ASPHD2: variants seen among roughly 807,000 people sequenced by gnomAD.
The protein encoded by ASPHD2 is aspartate beta-hydroxylase domain containing 2, also known as aspartate beta-hydroxylase domain-containing protein 2.
ASPHD2 carries 12 observed loss-of-function variants against 34.6 expected under a neutral mutation model. That is an observed-to-expected ratio of 0.35 (90% CI 0.22 to 0.56). The LOEUF (loss-of-function observed/expected upper bound fraction) is 0.56. ASPHD2 is among the 20% of genes least tolerant of loss of function. ASPHD2 has a pLI of 0.87. For synonymous variants in ASPHD2, 224 were observed against 212.2 expected (o/e 1.06, Z -0.48); for missense variants, 375 against 505.0 (o/e 0.74, Z 2.47).
intron 2 of ASPHD2, among the ~76,000 whole-genome samples, chr22:26,440,941 G>A (rs143729919): frequency 2.6e-5 from 4 of 152,232 alleles, no homozygotes; most frequent in African/African-American, 9.6e-5. Context: ...AGAGTGTAGT[G>A]CAAATGTCAG....
At chr22:26,440,681 C>A (rs1033674992) in intron 2 of ASPHD2, among the ~76,000 whole-genome samples, 4 of 152,156 alleles carry the variant, frequency 2.6e-5, no homozygotes, top group Admixed American at 6.5e-5. Flanking sequence ...TCCTCTTGAA[C>A]CTAAGCCATT....
chr22:26,434,227 C>G lies in ASPHD2; in HGVS notation c.612C>G (p.Thr204=), dbSNP rs2084776867. ...AGACCATCCTGTGTGAGTTTGAGAC[C>G]CTCTACAAAGCTTTCTCAAACTGCA... ...NFQTILCEFE[T]LYKAFSNCSL... is the part of the protein sequence containing the mutation. The change falls in exon 2 of 4, where the codon ACC becomes ACG. Residue 204 remains threonine (T), a synonymous_variant. Coordinates refer to ENST00000215906, the MANE Select transcript of ASPHD2 (RefSeq NM_020437.5). 6.2e-7 allele frequency: 1 copy of G among 1,614,088 alleles called. No homozygotes were observed. The highest frequency in any genetic ancestry group is 2.2e-5 in the East Asian group (1 of 44,872).
At chr22:26,436,846 G>A (rs1250114803) in intron 2 of ASPHD2, among the ~76,000 whole-genome samples, 1 of 145,438 alleles carries the variant, frequency 6.9e-6, no homozygotes, top group Non-Finnish European at 1.5e-5. Flanking sequence ...GCATGCATGT[G>A]TGTGTGTGTG....
intron 2 of ASPHD2, among the ~76,000 whole-genome samples, chr22:26,437,681 G>A (rs747588595): frequency 6.6e-6 from 1 of 152,208 alleles, no homozygotes; most frequent in South Asian, 2.1e-4. Context: ...CATGTCATCA[G>A]ATTTCTAGGT....
At position 26,433,551 on chromosome 22, in the gene ASPHD2, T is replaced by C; in HGVS notation, c.-65T>C. 1 of 1,210,962 alleles carries C rather than the reference T, an allele frequency of 8.3e-7. No individual in the cohort carries two copies. The highest frequency in any genetic ancestry group is 1.2e-6 in the Non-Finnish European group (1 of 851,006). 75.0% of individuals were successfully genotyped at this position (1,210,962 alleles called of 1,614,324 possible). ...CATCAATGCCGCCCCTGGCAGTATC[T>C]GAGGATCGGTGGCAGCCATGCCTCC... On this transcript the variant is annotated 5_prime_UTR_variant, in exon 2 of 4. Transcript: ENST00000215906. This position sits in a 1 kb window ranked among gnomAD's most constrained non-coding sequence, Gnocchi z 5.1.
In ASPHD2 at chr22:26,442,054, C is replaced by T. The variant is rs942682601; in HGVS notation, c.887-405C>T. 5.6e-5 allele frequency among the ~76,000 whole-genome samples: 8 copies of T among 142,170 alleles called. 1 individual carries two copies. Among genetic ancestry groups the T allele is most frequent in the African/African-American group, 1.1e-4 (4 of 37,582 alleles). 93.3% of individuals were successfully genotyped at this position (142,170 alleles called of 152,430 possible). On this transcript the variant is annotated intron_variant, in intron 2 of 3. Transcript: ENST00000215906. ...CTGGGAGGTGGAGGTTGCGGTGAGC[C>T]GAGATCACACCACTGCATTCCAGCC...
At chr22:26,441,478 T>TA (rs34554219) in intron 2 of ASPHD2, among the ~76,000 whole-genome samples, 49,412 of 94,974 alleles carry the variant, frequency 0.52, 13,069 homozygotes, top group Middle Eastern at 0.54. Context: ...ACCTTGTATC[T>TA]AAAAAAAAAA....
chr22:26,442,806 GATA>G (rs2084861047), intron 3 of ASPHD2, among the ~76,000 whole-genome samples: 1 of 152,124 alleles, frequency 6.6e-6, no homozygotes, highest in Admixed American at 6.5e-5. Flanking sequence ...TCGCCAAATG[GATA>G]ATGACACGGA....
intron 2 of ASPHD2, among the ~76,000 whole-genome samples, chr22:26,435,057 G>A (rs917565803): frequency 2.1e-4 from 32 of 152,186 alleles, no homozygotes; most frequent in African/African-American, 7.5e-4. Context: ...AAAATTGGTC[G>A]TATGCGTACT....
At chr22:26,436,252 G>A (rs57917026) in intron 2 of ASPHD2, among the ~76,000 whole-genome samples, 40,032 of 152,108 alleles carry the variant, frequency 0.26, 5,471 homozygotes, top group South Asian at 0.4. Context: ...CAGAGATGAC[G>A]ATTCCCACTT....
intron 2 of ASPHD2, among the ~76,000 whole-genome samples, chr22:26,435,940 T>C (rs2084789807): frequency 6.6e-6 from 1 of 152,188 alleles, no homozygotes; most frequent in Admixed American, 6.5e-5. Context: ...GGGGAGATGG[T>C]ACTTACTTCA....
At position 26,442,276 on chromosome 22, in the gene ASPHD2, A is replaced by G. The variant is rs2084852985; in HGVS notation, c.887-183A>G. 3.3e-5 allele frequency among the ~76,000 whole-genome samples: 5 copies of G among 152,174 alleles called. 1 individual carries two copies. In the South Asian group the frequency reaches 1.0e-3, roughly 32 times the overall value. On this transcript the variant is annotated intron_variant, in intron 2 of 3. Transcript: ENST00000215906. ...ACCATCACCTTGGGGTCAGGTTTCAACATGGGAATTTGCAGGGACACAAGC... is the reference window on the plus strand; with the variant it reads ...ACCATCACCTTGGGGTCAGGTTTCAGCATGGGAATTTGCAGGGACACAAGC...
chr22:26,436,776 C>T (rs2084794783), intron 2 of ASPHD2, among the ~76,000 whole-genome samples: 1 of 152,096 alleles, frequency 6.6e-6, no homozygotes, highest in African/African-American at 2.4e-5. Flanking sequence ...GTGATGGTAG[C>T]AAGGAAAATC....
intron 1 of ASPHD2, among the ~76,000 whole-genome samples, chr22:26,430,485 AAC>A (rs1325155907): frequency 2.0e-5 from 3 of 152,216 alleles, no homozygotes; most frequent in African/African-American, 7.2e-5. Flanking sequence ...GGACAGAAAT[AAC>A]ACAGATGACA....
At position 26,442,468 on chromosome 22, in the gene ASPHD2, C is replaced by T. The variant is rs372858915; in HGVS notation, c.896C>T (p.Thr299Ile). ...CTGGTTTTCCTACAAGGTCTGAAAACTCCAAATGGCTGTGAGCTGGTGGTG... is the reference window on the plus strand; with the variant it reads ...CTGGTTTTCCTACAAGGTCTGAAAATTCCAAATGGCTGTGAGCTGGTGGTG... Reference protein sequence around the residue: ...IRIRCHLGLKTPNGCELVVGG... With the variant: ...IRIRCHLGLKIPNGCELVVGG... Residue 299 changes from threonine (T) to isoleucine (I), a missense_variant, in exon 3 of 4, where the codon ACT becomes ATT. Thr to Ile is a moderately conservative substitution (Grantham distance 89). This residue lies in a region of ASPHD2 where 142 missense variants were observed against 217.9 expected (regional missense o/e 0.65). Transcript: ENST00000215906. 20 of 1,595,266 alleles carry T rather than the reference C, an allele frequency of 1.3e-5. No individual in the cohort carries two copies. The highest frequency in any genetic ancestry group is 1.7e-5 in the Non-Finnish European group (20 of 1,174,048).
chr22:26,435,711 AAAAGAAAAG>A (rs2084787328), intron 2 of ASPHD2, among the ~76,000 whole-genome samples: 1 of 2,752 alleles, frequency 3.6e-4, no homozygotes, highest in Admixed American at 3.8e-3. Flanking sequence ...TCACTGCACT[AAAAGAAAAG>A]AAAAGAAAAG....
At chr22:26,437,291 TTTC>T (rs1453302061) in intron 2 of ASPHD2, among the ~76,000 whole-genome samples, 6 of 152,166 alleles carry the variant, frequency 3.9e-5, no homozygotes, top group Non-Finnish European at 8.8e-5. Flanking sequence ...AATGCTTGCT[TTTC>T]TTCTGCCTTC....
rs760828431 is a variant in ASPHD2 at position 26,434,349 on chromosome 22, G to A, written c.734G>A (p.Arg245Lys). ...NQGVCVPRNC[R>K]KCPRTYRLLG... ...GGGGTTTGTGTTCCCAGGAACTGTA[G>A]GAAGTGCCCACGGACGTACCGCTTG... The change falls in exon 2 of 4, where the codon AGG becomes AAG. Residue 245 changes from arginine (R) to lysine (K), a missense_variant. Physicochemically the swap from Arg to Lys is conservative, Grantham distance 26 (BLOSUM62 2). Coordinates refer to ENST00000215906, the MANE Select transcript of ASPHD2 (RefSeq NM_020437.5). 2.5e-6 allele frequency: 4 copies of A among 1,614,212 alleles called. No homozygotes were observed. Among genetic ancestry groups the A allele is most frequent in the Non-Finnish European group, 3.4e-6 (4 of 1,180,036 alleles).
At chr22:26,442,727 T>C (rs1234792865) in intron 3 of ASPHD2, among the ~76,000 whole-genome samples, 155 bp downstream of exon 3, 1 of 152,154 alleles carries the variant, frequency 6.6e-6, no homozygotes, top group Non-Finnish European at 1.5e-5. Context: ...ATTGATGCGT[T>C]ATTATTACCT....
Sources: gnomAD v4.1 joint callset for allele counts (sites outside exome capture counted in the v4.1 genomes callset) on GRCh38, gnomAD v4.1.1 for gene constraint, gnomAD v4.1.1 regional missense constraint, Gnocchi (gnomAD v3.1) non-coding constraint, MANE v1.5 for transcripts, NCBI Gene and HGNC (gene_info 2026-07-23, HGNC 2026-07-21) for gene names.